GPHN: variants seen among roughly 807,000 people sequenced by gnomAD.
GPHN encodes the protein gephyrin.
In GPHN, 17 loss-of-function variants were observed where a neutral mutation model predicts 95.5. The observed-to-expected ratio is 0.18, with a 90% CI of 0.12 to 0.27. GPHN has a LOEUF of 0.27. Ranked by LOEUF, GPHN falls within the 10% of genes least tolerant of loss-of-function variation. The probability of loss-of-function intolerance (pLI) is 1.00; values close to 1 mark genes in which losing one functional copy is unlikely to be tolerated. For missense variants in GPHN, 660 were observed against 978.1 expected (o/e 0.67, Z 4.34); for synonymous variants, 320 against 322.5 (o/e 0.99, Z 0.08).
intron 2 of GPHN, among the ~76,000 whole-genome samples, chr14:66,760,223 G>T (rs1185700622): frequency 1.3e-5 from 2 of 152,122 alleles, no homozygotes; most frequent in Non-Finnish European, 2.9e-5. Context: ...CACATAATAA[G>T]TTCTCAGTGA....
intron 2 of GPHN, among the ~76,000 whole-genome samples, chr14:66,719,109 A>G (rs2070481520): frequency 1.3e-5 from 2 of 152,160 alleles, no homozygotes; most frequent in African/African-American, 4.8e-5. Context: ...AGGGCTGAGA[A>G]CTTGCACCAG....
chr14:67,186,538 G>A (rs115657383), downstream of GPHN, among the ~76,000 whole-genome samples: 587 of 152,264 alleles, frequency 3.9e-3, 5 homozygotes, highest in African/African-American at 0.014. Context: ...GATAGGTTAG[G>A]GGAATCACAG....
intron 10 of GPHN, among the ~76,000 whole-genome samples, chr14:67,043,254 C>T (rs2074813199): frequency 6.6e-6 from 1 of 152,124 alleles, no homozygotes; most frequent in African/African-American, 2.4e-5. Flanking sequence ...CTGGCCAGAA[C>T]GTCCAATATT....
the GPHN span, among the ~76,000 whole-genome samples, chr14:67,309,874 AT>A: frequency 6.6e-6 from 1 of 152,240 alleles, no homozygotes; most frequent in East Asian, 1.9e-4. Flanking sequence ...TCAGAAAGTG[AT>A]TTGATAAAAT....
downstream of GPHN, among the ~76,000 whole-genome samples, chr14:67,186,042 C>A (rs967525055): frequency 3.3e-5 from 5 of 152,036 alleles, no homozygotes; most frequent in African/African-American, 1.2e-4. Flanking sequence ...GGCCTAGAAC[C>A]AAAAAGTTAA....
chr14:66,615,285 A>G (rs991344800), intron 1 of GPHN, among the ~76,000 whole-genome samples: 5 of 152,202 alleles, frequency 3.3e-5, no homozygotes, highest in African/African-American at 4.8e-5. Context: ...AGAAATGGCC[A>G]TACTGCCTTC....
the GPHN span, among the ~76,000 whole-genome samples, chr14:67,533,054 A>G: frequency 6.6e-6 from 1 of 152,038 alleles, no homozygotes; most frequent in African/African-American, 2.4e-5. Context: ...GGGAGGCTGG[A>G]GCCTGCTGAG....
chr14:66,790,698 G>A (rs1209866679), intron 3 of GPHN, among the ~76,000 whole-genome samples: 1 of 152,202 alleles, frequency 6.6e-6, no homozygotes, highest in African/African-American at 2.4e-5. Context: ...CACTGCCTGT[G>A]GCAGGGCGGG....
chr14:67,732,961 TA>T, the GPHN span, among the ~76,000 whole-genome samples: 2 of 151,856 alleles, frequency 1.3e-5, no homozygotes, highest in South Asian at 2.1e-4. Context: ...AAAGGAACAT[TA>T]AAAACAAAAA....
At chr14:67,537,403 G>A in the GPHN span, among the ~76,000 whole-genome samples, 2 of 146,636 alleles carry the variant, frequency 1.4e-5, no homozygotes, top group Non-Finnish European at 3.0e-5. Flanking sequence ...TAGGCTGGGC[G>A]CAGTGGCTCA....
the GPHN span, among the ~76,000 whole-genome samples, chr14:67,419,312 C>G: frequency 3.2e-4 from 48 of 152,160 alleles, no homozygotes; most frequent in African/African-American, 1.1e-3. Context: ...CTCACCCCTG[C>G]GGAGCCCCTG....
chr14:66,888,470 T>C (rs536509962), intron 5 of GPHN, among the ~76,000 whole-genome samples: 1 of 151,816 alleles, frequency 6.6e-6, no homozygotes, highest in South Asian at 2.1e-4. Flanking sequence ...AGGGACAGAG[T>C]AGTATAAGAG....
At chr14:67,252,817 A>G in the GPHN span, among the ~76,000 whole-genome samples, 3 of 152,246 alleles carry the variant, frequency 2.0e-5, no homozygotes, top group African/African-American at 7.2e-5. Flanking sequence ...TGAGCTAAAT[A>G]TTAGAGACTG....
chr14:67,204,725 A>G, the GPHN span: 1 of 1,613,926 alleles, frequency 6.2e-7, no homozygotes, highest in South Asian at 1.1e-5. Flanking sequence ...AAAGTTTCCA[A>G]AGTGTCGGAG....
chr14:67,185,515 C>CT (rs1223551180), downstream of GPHN, among the ~76,000 whole-genome samples: 1 of 152,156 alleles, frequency 6.6e-6, no homozygotes, highest in Non-Finnish European at 1.5e-5. Context: ...TGTTACAAGT[C>CT]TTTTTTGTCA....
the GPHN span, among the ~76,000 whole-genome samples, chr14:67,211,627 C>G: frequency 2.0e-5 from 3 of 152,054 alleles, no homozygotes; most frequent in Non-Finnish European, 4.4e-5. Context: ...GGTAATATAG[C>G]AATCAATTTA....
At chr14:66,914,820 G>A (rs531804823) in intron 5 of GPHN, among the ~76,000 whole-genome samples, 14 of 151,980 alleles carry the variant, frequency 9.2e-5, no homozygotes, top group Non-Finnish European at 1.8e-4. Context: ...ATTTTAGTTT[G>A]GAAAGAAAAA....
At chr14:67,172,055 A>G (rs147523788) in intron 21 of GPHN, among the ~76,000 whole-genome samples, 7 of 152,280 alleles carry the variant, frequency 4.6e-5, no homozygotes, top group Non-Finnish European at 7.4e-5. Context: ...GGCCTGTGCA[A>G]CTACTGCACT....
chr14:67,056,871 C>T (rs921554437), intron 10 of GPHN, among the ~76,000 whole-genome samples: 2 of 152,192 alleles, frequency 1.3e-5, no homozygotes, highest in African/African-American at 2.4e-5. Context: ...CGCAAGGAGG[C>T]GGCTGAGGCC....
Sources: gnomAD v4.1 joint callset for allele counts (sites outside exome capture counted in the v4.1 genomes callset) on GRCh38, gnomAD v4.1.1 for gene constraint, MANE v1.5 for transcripts, NCBI Gene and HGNC (gene_info 2026-07-23, HGNC 2026-07-21) for gene names.